Variants in SLC17A5 observed in about 807,000 individuals in gnomAD.
SLC17A5 encodes solute carrier family 17 member 5, also known as sialin.
A neutral mutation model predicts 59.4 loss-of-function variants in SLC17A5; 47 were observed. The observed-to-expected ratio is 0.79, with a 90% CI of 0.63 to 1.01. The LOEUF (loss-of-function observed/expected upper bound fraction) is 1.01, where lower values mean the gene tolerates loss of function less well. Among genes scored for constraint, SLC17A5 ranks in the 50% least tolerant of loss-of-function variants. The probability of loss-of-function intolerance (pLI) is 0.00; values close to 1 mark genes in which losing one functional copy is unlikely to be tolerated. For missense variants in SLC17A5, 522 were observed against 595.5 expected (o/e 0.88, Z 1.28); for synonymous variants, 202 against 210.7 (o/e 0.96, Z 0.36).
At position 73,616,425 on chromosome 6, in the gene SLC17A5, A is replaced by T. The variant is rs78859362; in HGVS notation, c.979-978T>A. 4.8e-4 allele frequency among the ~76,000 whole-genome samples: 73 copies of T among 152,054 alleles called. No homozygotes were observed. In the East Asian group the frequency reaches 0.012, roughly 25 times the overall value. ...TTAAAATTTTTTTGATTTGCCTTTT[A>T]TGTCTCTTTAAATCTGTAAGTTCCC... On this transcript the variant is annotated intron_variant, in intron 7 of 10. Coordinates refer to ENST00000355773, the MANE Select transcript of SLC17A5 (RefSeq NM_012434.5).
chr6:73,636,279 A>AAAAG (rs1768990869), intron 5 of SLC17A5, among the ~76,000 whole-genome samples: 1 of 139,500 alleles, frequency 7.2e-6, no homozygotes, highest in Admixed American at 7.7e-5. Context: ...GGACTAAGTA[A>AAAAG]AAAGAAAAAA....
intron 6 of SLC17A5, among the ~76,000 whole-genome samples, chr6:73,631,205 G>A (rs1360435235): frequency 1.3e-5 from 2 of 151,234 alleles, no homozygotes; most frequent in Non-Finnish European, 2.9e-5. Flanking sequence ...ACTTTACAGT[G>A]AGCTGAGATC....
At position 73,651,409 on chromosome 6, in the gene SLC17A5, C is replaced by T. The variant is rs190286755; in HGVS notation, c.94+2384G>A. 7.6e-3 allele frequency among the ~76,000 whole-genome samples: 941 copies of T among 124,302 alleles called. 11 individuals carry two copies. The highest frequency in any genetic ancestry group is 0.027 in the African/African-American group (855 of 31,568). The allele number at this position is 124,302 out of a possible 152,430, so 81.5% of individuals were successfully genotyped here. The stretch of plus-strand genomic sequence containing the variant: ...CGGGGAGGCTGAGGCTGCAGTGAGC[C>T]GAGATCGCACCACTGCACTCCAGCC... On this transcript the variant is annotated intron_variant, in intron 1 of 10. Transcript: ENST00000355773.
chr6:73,600,740 A>T (rs1176571625), intron 9 of SLC17A5, among the ~76,000 whole-genome samples: 1 of 152,052 alleles, frequency 6.6e-6, no homozygotes, highest in African/African-American at 2.4e-5. Flanking sequence ...ACCTCAAGTG[A>T]TCTGCCTGCC....
chr6:73,627,582 T>A (rs2150105328), intron 6 of SLC17A5, among the ~76,000 whole-genome samples: 1 of 152,218 alleles, frequency 6.6e-6, no homozygotes, highest in South Asian at 2.1e-4. Context: ...ATACTCTCGA[T>A]GGCTTCATCA....
rs1766713490 is a variant in SLC17A5 at position 73,594,588 on chromosome 6, C to T, written c.*489G>A. On this transcript the variant is annotated 3_prime_UTR_variant, in exon 11 of 11. Transcript: ENST00000355773. ...GCTTGGCAGCTGCCTGGGCACACTC[C>T]CCTCAGTCCAGTTGCCAGGCGAAAT... 5.7e-6 allele frequency: 1 copy of T among 176,514 alleles called. No individual in the cohort carries two copies. Among genetic ancestry groups the T allele is most frequent in the Non-Finnish European group, 1.2e-5 (1 of 82,908 alleles). 10.9% of individuals were successfully genotyped at this position (176,514 alleles called of 1,614,324 possible).
Position 73,621,889 on chromosome 6 carries a change from T to C in SLC17A5, c.893A>G (p.His298Arg), listed in dbSNP as rs1030256763. Residue 298 changes from histidine to arginine, a missense_variant, in exon 7 of 11, where the codon CAC (histidine) becomes CGC (arginine). Physicochemically the swap from His to Arg is conservative, Grantham distance 29. This residue lies in a region of SLC17A5 where 338 missense variants were observed against 363.8 expected (regional missense o/e 0.93). Transcript: ENST00000355773. ...SLPLWAIVVA[H>R]FSYNWTFYTL... Reference sequence around the variant, plus strand: ...ATAAAAAGTCCAGTTGTAAGAAAAGTGTGCAACTACGATAGCCCAAAGTGG... The same window carrying C: ...ATAAAAAGTCCAGTTGTAAGAAAAGCGTGCAACTACGATAGCCCAAAGTGG... 1.9e-6 allele frequency: 3 copies of C among 1,613,542 alleles called. No homozygotes were observed. Among genetic ancestry groups the C allele is most frequent in the Non-Finnish European group, 8.5e-7 (1 of 1,179,608 alleles).
At chr6:73,620,839 A>G (rs1260439968) in intron 7 of SLC17A5, among the ~76,000 whole-genome samples, 2 of 151,584 alleles carry the variant, frequency 1.3e-5, no homozygotes, top group Non-Finnish European at 2.9e-5. Flanking sequence ...CTCGTGCCTC[A>G]GCCTCCCTAG....
intron 1 of SLC17A5, chr6:73,653,356 C>G: frequency 1.0e-6 from 1 of 985,444 alleles, no homozygotes; most frequent in Non-Finnish European, 1.2e-6. Context: ...GGTTTCTCCT[C>G]CAGTTTGCTC....
rs374617105 is a variant in SLC17A5, at chr6:73,644,458, G to A, written c.240C>T (p.Ser80=). ...GAGCAGAATGCTCTGGACACGCCTT[G>A]GAAGTTCTATTATCTTCTAAAGTTG... ...SNTTLEDNRT[S]KACPEHSAPI... is the part of the protein sequence containing the mutation. Residue 80 remains serine, a synonymous_variant, in exon 2 of 11, where the codon TCC becomes TCT. Coordinates refer to ENST00000355773, the MANE Select transcript of SLC17A5 (RefSeq NM_012434.5). 9 of 1,613,948 alleles carry A rather than the reference G, an allele frequency of 5.6e-6. No individual in the cohort carries two copies. In the South Asian group the frequency reaches 7.7e-5, roughly 14 times the overall value.
chr6:73,597,208 C>T (rs1278997443), intron 10 of SLC17A5, among the ~76,000 whole-genome samples: 1 of 151,150 alleles, frequency 6.6e-6, no homozygotes, highest in African/African-American at 2.4e-5. Flanking sequence ...TGGCTTACGC[C>T]TGTAATCCTA....
At chr6:73,613,041 CA>C (rs59903043) in intron 8 of SLC17A5, among the ~76,000 whole-genome samples, 104 of 144,636 alleles carry the variant, frequency 7.2e-4, no homozygotes, top group Admixed American at 8.4e-4. Flanking sequence ...GACCCTGTCT[CA>C]AAAAAAAAAA....
chr6:73,605,689 G>C (rs1175367445), intron 9 of SLC17A5, among the ~76,000 whole-genome samples: 1 of 149,464 alleles, frequency 6.7e-6, no homozygotes, highest in East Asian at 2.0e-4. Flanking sequence ...AAATAATTTT[G>C]ACTTTGGGCT....
chr6:73,642,715 T>C (rs887686858), intron 2 of SLC17A5, among the ~76,000 whole-genome samples: 6 of 152,234 alleles, frequency 3.9e-5, no homozygotes, highest in Non-Finnish European at 7.3e-5. Context: ...GCAGTGTAGC[T>C]GTATAACAAA....
At chr6:73,651,329 C>T (rs1016469670) in intron 1 of SLC17A5, among the ~76,000 whole-genome samples, 22 of 150,962 alleles carry the variant, frequency 1.5e-4, no homozygotes, top group Non-Finnish European at 2.7e-4. Context: ...GGTGTGGTGG[C>T]GTAGGCCTGT....
chr6:73,649,657 A>T (rs1257962776), intron 1 of SLC17A5, among the ~76,000 whole-genome samples: 1 of 152,172 alleles, frequency 6.6e-6, no homozygotes, highest in Non-Finnish European at 1.5e-5. Context: ...TAGTCGAAGT[A>T]TTTTGCCTGA....
At chr6:73,645,988 A>G (rs1769542659) in intron 1 of SLC17A5, among the ~76,000 whole-genome samples, 1 of 152,164 alleles carries the variant, frequency 6.6e-6, no homozygotes, top group South Asian at 2.1e-4. Flanking sequence ...TCAACCTCTT[A>G]GTAACAAAGA....
intron 1 of SLC17A5, among the ~76,000 whole-genome samples, chr6:73,647,294 G>A (rs936823382): frequency 1.3e-5 from 2 of 152,236 alleles, no homozygotes; most frequent in Non-Finnish European, 2.9e-5. Flanking sequence ...GGAATGTACA[G>A]TCAGGGAGAT....
intron 3 of SLC17A5, among the ~76,000 whole-genome samples, chr6:73,639,162 C>G (rs117351043): frequency 3.6e-3 from 551 of 152,148 alleles, no homozygotes; most frequent in Non-Finnish European, 5.4e-3. Context: ...CAATTACTGA[C>G]ACGGAGAGCT....
Sources: allele counts gnomAD v4.1 joint callset (sites outside exome capture counted in the v4.1 genomes callset), GRCh38; gene constraint gnomAD v4.1.1; regional missense constraint gnomAD v4.1.1; transcripts MANE v1.5; gene names NCBI Gene and HGNC (gene_info 2026-07-23, HGNC 2026-07-21).